The following STAU2 variants were observed in gnomAD, a reference collection of about 807,000 sequenced individuals.
STAU2 encodes staufen double-stranded RNA binding protein 2.
A neutral mutation model predicts 65.9 loss-of-function variants in STAU2; 20 were observed. The observed-to-expected ratio is 0.30, with a 90% CI of 0.21 to 0.44. The LOEUF (loss-of-function observed/expected upper bound fraction) is 0.44. Ranked by LOEUF, STAU2 falls within the 20% of genes least tolerant of loss-of-function variation. STAU2 has a pLI of 1.00. For synonymous variants in STAU2, 232 were observed against 233.9 expected (o/e 0.99, Z 0.07); for missense variants, 558 against 683.9 (o/e 0.82, Z 2.05).
chr8:73,736,444 T>C (rs1586382704), intron 3 of STAU2, among the ~76,000 whole-genome samples: 1 of 152,294 alleles, frequency 6.6e-6, no homozygotes, highest in East Asian at 1.9e-4. Context: ...CAACAAATAA[T>C]TACATATTTG....
chr8:73,708,400 C>T (rs1820666634), intron 4 of STAU2, among the ~76,000 whole-genome samples: 2 of 152,016 alleles, frequency 1.3e-5, no homozygotes, highest in African/African-American at 4.8e-5. Context: ...CTGAATAGAG[C>T]TCAAACATAA....
intron 12 of STAU2, among the ~76,000 whole-genome samples, chr8:73,560,113 C>T (rs1169865566): frequency 7.5e-6 from 1 of 132,600 alleles, no homozygotes; most frequent in South Asian, 2.4e-4. Flanking sequence ...CAGAGTCTCG[C>T]TCTGTCCCCC....
At chr8:73,473,548 T>C (rs1007839075) in intron 13 of STAU2, among the ~76,000 whole-genome samples, 2 of 152,158 alleles carry the variant, frequency 1.3e-5, no homozygotes, top group Non-Finnish European at 2.9e-5. Context: ...GATATATGGA[T>C]ATGCGATGAA....
At chr8:73,708,015 A>G (rs570154065) in intron 4 of STAU2, among the ~76,000 whole-genome samples, 2 of 152,360 alleles carry the variant, frequency 1.3e-5, no homozygotes, top group East Asian at 3.9e-4. Context: ...GTTCAACATG[A>G]TTAAGGGCAG....
At chr8:73,744,487 G>GAAA (rs34156567) in intron 1 of STAU2, among the ~76,000 whole-genome samples, 6 of 129,808 alleles carry the variant, frequency 4.6e-5, no homozygotes, top group Non-Finnish European at 9.5e-5. Context: ...AGGCACAAAG[G>GAAA]AAAAAAAAAA....
intron 6 of STAU2, among the ~76,000 whole-genome samples, chr8:73,634,910 T>C (rs935310933): frequency 3.9e-5 from 6 of 152,240 alleles, no homozygotes; most frequent in African/African-American, 1.4e-4. Context: ...CACTTTTCAC[T>C]TTCTAATCTA....
chr8:73,634,914 T>C (rs748235331), intron 6 of STAU2, among the ~76,000 whole-genome samples: 1 of 152,212 alleles, frequency 6.6e-6, no homozygotes, highest in Non-Finnish European at 1.5e-5. Context: ...TTTCACTTTC[T>C]AATCTACTAT....
chr8:73,619,926 G>C (rs562122848), intron 6 of STAU2, among the ~76,000 whole-genome samples: 2 of 150,020 alleles, frequency 1.3e-5, no homozygotes, highest in East Asian at 3.9e-4. Context: ...TTGAACTACA[G>C]TTTTCTATTA....
At chr8:73,446,877 C>T (rs1165228212) in intron 13 of STAU2, among the ~76,000 whole-genome samples, 1 of 152,200 alleles carries the variant, frequency 6.6e-6, no homozygotes, top group Non-Finnish European at 1.5e-5. Flanking sequence ...ACTCCAATCT[C>T]ATGTCACAGA....
chr8:73,505,837 G>A (rs867809327), intron 13 of STAU2, among the ~76,000 whole-genome samples: 5 of 152,072 alleles, frequency 3.3e-5, no homozygotes, highest in South Asian at 2.1e-4. Context: ...TAACTAGATC[G>A]TGGGAGCAGA....
At chr8:73,707,406 A>G (rs1036249268) in intron 4 of STAU2, among the ~76,000 whole-genome samples, 5 of 152,220 alleles carry the variant, frequency 3.3e-5, no homozygotes. Flanking sequence ...GATTATAGGC[A>G]TGAGTGGCTG....
chr8:73,679,940 A>C (rs1333157301), intron 5 of STAU2, among the ~76,000 whole-genome samples: 1 of 149,526 alleles, frequency 6.7e-6, no homozygotes, highest in Non-Finnish European at 1.5e-5. Flanking sequence ...AGCAGCGATA[A>C]GAGACCCCTG....
chr8:73,736,172 T>G (rs975505084), intron 3 of STAU2, among the ~76,000 whole-genome samples: 2 of 152,206 alleles, frequency 1.3e-5, no homozygotes, highest in Non-Finnish European at 2.9e-5. Context: ...TAACTTTACA[T>G]GAGGGAGAGT....
chr8:73,546,222 C>T (rs1806926698), intron 13 of STAU2, among the ~76,000 whole-genome samples: 1 of 148,312 alleles, frequency 6.7e-6, no homozygotes, highest in Non-Finnish European at 1.5e-5. Flanking sequence ...CTGCCTTGGC[C>T]TCCCAAAGTA....
intron 6 of STAU2, among the ~76,000 whole-genome samples, chr8:73,668,548 A>G (rs1358616450): frequency 1.3e-5 from 2 of 152,212 alleles, no homozygotes; most frequent in African/African-American, 4.8e-5. Flanking sequence ...TCTAATGTAC[A>G]TAATTTTTAT....
intron 3 of STAU2, among the ~76,000 whole-genome samples, 194 bp downstream of exon 3, chr8:73,738,090 A>G (rs1181057234): frequency 6.6e-6 from 1 of 152,196 alleles, no homozygotes; most frequent in African/African-American, 2.4e-5. Context: ...GAAGTTATCA[A>G]CTTTCAGAAG....
chr8:73,741,332 C>T (rs931633061), intron 1 of STAU2, among the ~76,000 whole-genome samples: 1 of 144,440 alleles, frequency 6.9e-6, no homozygotes, highest in African/African-American at 2.7e-5. Context: ...CATTATTAAG[C>T]ATTCACCAAC....
intron 13 of STAU2, chr8:73,458,587 T>TA (rs1819190918): frequency 4.1e-5 from 6 of 146,416 alleles, no homozygotes; most frequent in Admixed American, 2.0e-4. Flanking sequence ...GAAGCTTCTT[T>TA]TAAAAAAAAA....
At chr8:73,447,403 A>C (rs1231091655) in intron 13 of STAU2, among the ~76,000 whole-genome samples, 1 of 152,186 alleles carries the variant, frequency 6.6e-6, no homozygotes, top group Admixed American at 6.5e-5. Context: ...ATTCTTTTTA[A>C]TAGCTGCATG....
Sources: allele counts gnomAD v4.1 joint callset (sites outside exome capture counted in the v4.1 genomes callset), GRCh38; gene constraint gnomAD v4.1.1; transcripts MANE v1.5; gene names NCBI Gene and HGNC (gene_info 2026-07-23, HGNC 2026-07-21).